Variants in KCNK3 observed in about 807,000 individuals in gnomAD.
KCNK3 encodes the protein potassium channel subfamily K member 3.
Under a neutral mutation model 27.3 loss-of-function variants are expected in KCNK3, and 9 were observed. The ratio of observed to expected loss-of-function variants is 0.33; its 90% CI spans 0.20 to 0.57. The LOEUF (loss-of-function observed/expected upper bound fraction) is 0.57, where lower values mean the gene tolerates loss of function less well. Ranked by LOEUF, KCNK3 falls within the 20% of genes least tolerant of loss-of-function variation. The probability of loss-of-function intolerance (pLI) is 0.87; values close to 1 mark genes in which losing one functional copy is unlikely to be tolerated. For missense variants in KCNK3, 391 were observed against 577.7 expected, an observed-to-expected ratio of 0.68 and a Z score of 3.31; for synonymous variants, 278 against 273.8, an observed-to-expected ratio of 1.02 and a Z score of -0.15.
chr2:26,698,258 T>C (rs2148254413), intron 1 of KCNK3, among the ~76,000 whole-genome samples: 1 of 151,266 alleles, frequency 6.6e-6, no homozygotes, highest in African/African-American at 2.4e-5. Context: ...ATTTCCTTCC[T>C]GCCCACAGGC....
chr2:26,696,663 T>C (rs1380995193), intron 1 of KCNK3, among the ~76,000 whole-genome samples: 2 of 152,156 alleles, frequency 1.3e-5, no homozygotes, highest in African/African-American at 4.8e-5. Flanking sequence ...TAATAGAAAG[T>C]CATTTCTTAG....
intron 1 of KCNK3, among the ~76,000 whole-genome samples, chr2:26,704,126 G>A (rs111686382): frequency 0.018 from 2,749 of 151,666 alleles, 32 homozygotes; most frequent in Middle Eastern, 0.037. Flanking sequence ...CTGACTTCCC[G>A]CCCACCCTGC....
rs1381898800 is a variant in KCNK3, at chr2:26,693,645, C to G, written c.283+487C>G. 6.6e-6 allele frequency among the ~76,000 whole-genome samples: 1 copy of G among 152,180 alleles called. No homozygotes were observed. The highest frequency in any genetic ancestry group is 1.5e-5 in the Non-Finnish European group (1 of 68,032). On this transcript the variant is annotated intron_variant, in intron 1 of 1. Coordinates refer to ENST00000302909, the MANE Select transcript of KCNK3 (RefSeq NM_002246.3). This position sits in a 1 kb window ranked among gnomAD's most constrained non-coding sequence, Gnocchi z 5.5. ...TGCGGCACTTCGGGGCACTTGGGGC[C>G]ACCCTATAACGGCGGCTGTGAGTGT...
chr2:26,701,775 A>G (rs1052581113), intron 1 of KCNK3, among the ~76,000 whole-genome samples: 2 of 152,166 alleles, frequency 1.3e-5, no homozygotes, highest in African/African-American at 4.8e-5. Context: ...CCCTGTCTCT[A>G]CTAAAAATAC....
chr2:26,710,643 C>G (rs1663094473), intron 1 of KCNK3, among the ~76,000 whole-genome samples: 1 of 152,174 alleles, frequency 6.6e-6, no homozygotes, highest in Non-Finnish European at 1.5e-5. Context: ...CTTCCCTACC[C>G]TGGTCTCTGG....
In KCNK3 at chr2:26,694,686, G is replaced by A. The variant is rs370030364; in HGVS notation, c.283+1528G>A. ...CTTAGGTCTGCCCAAAGAGGAGCCC[G>A]CTTCCTGAAAAACACCAGCCCAGAT... is the stretch of plus-strand genomic sequence containing the variant. On this transcript the variant is annotated intron_variant, in intron 1 of 1. Transcript: ENST00000302909. Among the ~76,000 whole-genome samples the A allele has an allele frequency of 8.5e-5, 13 of 152,168 alleles. No homozygotes were observed. In the East Asian group the frequency reaches 2.3e-3, roughly 27 times the overall value.
rs1002935004 is a variant in KCNK3 at position 26,721,539 on chromosome 2, C to T, written c.284-6128C>T. On this transcript the variant is annotated intron_variant, in intron 1 of 1. Coordinates refer to ENST00000302909, the MANE Select transcript of KCNK3 (RefSeq NM_002246.3). The surrounding 1 kb of genome is among the most constrained non-coding windows in gnomAD (Gnocchi z 4.3). The stretch of plus-strand genomic sequence containing the variant: ...TGCCATCCCCACAACTGAGGGGCGG[C>T]TCCATGTCTGTGCCTCAGGCGCCTG... Among the ~76,000 whole-genome samples the T allele has an allele frequency of 6.6e-6, 1 of 152,238 alleles. No individual in the cohort carries two copies. The highest frequency in any genetic ancestry group is 2.4e-5 in the African/African-American group (1 of 41,470).
At chr2:26,725,360 T>C (rs1439615092) in intron 1 of KCNK3, among the ~76,000 whole-genome samples, 1 of 152,090 alleles carries the variant, frequency 6.6e-6, no homozygotes, top group African/African-American at 2.4e-5. Flanking sequence ...TCTAGCTCAA[T>C]CTTCCAGAGT....
intron 1 of KCNK3, among the ~76,000 whole-genome samples, chr2:26,701,410 T>C (rs1670306397): frequency 6.6e-6 from 1 of 151,946 alleles, no homozygotes; most frequent in Non-Finnish European, 1.5e-5. Flanking sequence ...AGGAGAGAAG[T>C]GGAGAAGGGC....
In KCNK3 at chr2:26,728,586, G is replaced by T. The variant is rs1450001601; in HGVS notation, c.*18G>T. On this transcript the variant is annotated 3_prime_UTR_variant, in exon 2 of 2. Transcript: ENST00000302909. ...CCGTGTGACTGCCCCGAGGGGCCTGGAGCACCTGGGGGCGCGGGCGGGGGA... is the reference window on the plus strand; with the variant it reads ...CCGTGTGACTGCCCCGAGGGGCCTGTAGCACCTGGGGGCGCGGGCGGGGGA... The T allele has an allele frequency of 7.8e-6, 11 of 1,417,750 alleles. No homozygotes were observed. Among genetic ancestry groups the T allele is most frequent in the Non-Finnish European group, 1.0e-5 (11 of 1,086,308 alleles). 87.8% of individuals were successfully genotyped at this position (1,417,750 alleles called of 1,614,324 possible). A position where few individuals can be genotyped will look rare whatever the true frequency, so the allele number is the denominator to read the frequency against.
At chr2:26,701,964 CTTTTA>C (rs981122742) in intron 1 of KCNK3, among the ~76,000 whole-genome samples, 36 of 152,282 alleles carry the variant, frequency 2.4e-4, no homozygotes, top group African/African-American at 7.9e-4. Flanking sequence ...TAAATAAAAA[CTTTTA>C]TTTTAAGTTC....
At chr2:26,698,557 A>G in intron 1 of KCNK3, among the ~76,000 whole-genome samples, 1 of 152,208 alleles carries the variant, frequency 6.6e-6, no homozygotes, top group East Asian at 1.9e-4. Context: ...ATTGTTATTA[A>G]TACTATTGTT....
rs763435797 is a variant in KCNK3, at chr2:26,728,481, G to A, written c.1098G>A (p.Ala366=). The change falls in exon 2 of 2, where the codon GCG becomes GCA. Residue 366 remains alanine, a synonymous_variant. Coordinates refer to ENST00000302909, the MANE Select transcript of KCNK3 (RefSeq NM_002246.3). The part of the protein sequence containing the change: ...TPSRRCLCSG[A]PRSAISSVST... ...CGCGACGCTGCCTGTGCAGCGGGGC[G>A]CCACGCTCCGCCATCAGCTCGGTGT... is the stretch of plus-strand genomic sequence containing the variant. The A allele has an allele frequency of 6.5e-7, 1 of 1,540,926 alleles. No individual in the cohort carries two copies. The highest frequency in any genetic ancestry group is 8.8e-7 in the Non-Finnish European group (1 of 1,141,112).
At chr2:26,716,322 G>A (rs182075533) in intron 1 of KCNK3, among the ~76,000 whole-genome samples, 16 of 152,184 alleles carry the variant, frequency 1.1e-4, no homozygotes, top group African/African-American at 3.9e-4. Context: ...AATGTATAGA[G>A]ATTGCTTTGT....
At chr2:26,722,649 A>G (rs1271210577) in intron 1 of KCNK3, among the ~76,000 whole-genome samples, 1 of 152,220 alleles carries the variant, frequency 6.6e-6, no homozygotes, top group Non-Finnish European at 1.5e-5. Flanking sequence ...CTCCATCTCA[A>G]AGAGTCAATT....
chr2:26,726,172 A>G (rs2148037353), intron 1 of KCNK3, among the ~76,000 whole-genome samples: 1 of 151,310 alleles, frequency 6.6e-6, no homozygotes, highest in East Asian at 1.9e-4. Flanking sequence ...GTCACACAGT[A>G]TCCTGCCTTG....
intron 1 of KCNK3, among the ~76,000 whole-genome samples, chr2:26,708,318 G>A (rs938341907): frequency 1.3e-5 from 2 of 152,170 alleles, no homozygotes; most frequent in South Asian, 4.1e-4. Flanking sequence ...AGTGAAGTGA[G>A]GAGAAGAGGC....
rs569590643 is a variant in KCNK3, at chr2:26,727,402, TTGTTCTGCTCCCAAGCCG to T, written c.284-261_284-244del. Among the ~76,000 whole-genome samples, 365 of 152,302 alleles carry T rather than the reference TTGTTCTGCTCCCAAGCCG, an allele frequency of 2.4e-3. 1 individual carries two copies. The highest frequency in any genetic ancestry group is 8.1e-3 in the African/African-American group (338 of 41,562). On this transcript the variant is annotated intron_variant, in intron 1 of 1. Transcript: ENST00000302909. Reference sequence around the variant, plus strand: ...CAAACGGACTCGAGTTCAAACACGGTTGTTCTGCTCCCAAGCCGTGTGACCTTGGAAGTCATCCCTCCT... The same window carrying T: ...CAAACGGACTCGAGTTCAAACACGGTTGTGACCTTGGAAGTCATCCCTCCT...
intron 1 of KCNK3, among the ~76,000 whole-genome samples, chr2:26,698,739 C>T (rs10200127): frequency 0.054 from 8,255 of 152,182 alleles, 752 homozygotes; most frequent in African/African-American, 0.19. Context: ...CCCATCTCCC[C>T]GCTCCTCAGC....
Sources: allele counts gnomAD v4.1 joint callset (sites outside exome capture counted in the v4.1 genomes callset), GRCh38; gene constraint gnomAD v4.1.1; non-coding constraint Gnocchi (gnomAD v3.1); transcripts MANE v1.5; gene names NCBI Gene and HGNC (gene_info 2026-07-23, HGNC 2026-07-21).